The following FBP1 variants were observed in gnomAD, a reference collection of about 807,000 sequenced individuals.
The protein encoded by FBP1 is fructose-bisphosphatase 1, also known as fructose-1,6-bisphosphatase 1.
In FBP1, 22 loss-of-function variants were observed where a neutral mutation model predicts 29.9. That is an observed-to-expected ratio of 0.74 (90% CI 0.53 to 1.05). The LOEUF (loss-of-function observed/expected upper bound fraction) is 1.05. FBP1 is among the 50% of genes least tolerant of loss of function. The pLI is 0.00. For synonymous variants in FBP1, 175 were observed against 178.6 expected, an observed-to-expected ratio of 0.98 and a Z score of 0.16; for missense variants, 345 against 448.2, an observed-to-expected ratio of 0.77 and a Z score of 2.08.
chr9:94,604,980 C>T (rs959079169), intron 6 of FBP1, among the ~76,000 whole-genome samples: 1 of 152,136 alleles, frequency 6.6e-6, no homozygotes, highest in African/African-American at 2.4e-5. Context: ...CTCTAGGTTT[C>T]CCCAGAGATT....
intron 6 of FBP1, among the ~76,000 whole-genome samples, chr9:94,604,488 A>AAAG (rs987758405): frequency 2.7e-5 from 4 of 150,460 alleles, no homozygotes; most frequent in Non-Finnish European, 5.9e-5. Context: ...TCTTGCATTA[A>AAAG]AAAAAAAAAA....
chr9:94,625,093 A>G (rs1407654703), intron 1 of FBP1, among the ~76,000 whole-genome samples: 1 of 149,864 alleles, frequency 6.7e-6, no homozygotes, highest in Non-Finnish European at 1.5e-5. Flanking sequence ...GCATTTTCCG[A>G]GCTTGCAGAC....
chr9:94,619,942 C>G (rs976327700), intron 2 of FBP1, among the ~76,000 whole-genome samples: 1 of 146,260 alleles, frequency 6.8e-6, no homozygotes, highest in African/African-American at 2.6e-5. Context: ...ATGCGTGCAT[C>G]AGGGATGGAA....
At chr9:94,621,983 C>T (rs28369691) in intron 1 of FBP1, among the ~76,000 whole-genome samples, 15,153 of 152,114 alleles carry the variant, frequency 0.1, 905 homozygotes, top group East Asian at 0.21. Flanking sequence ...AGAAGTGAGA[C>T]GCTGCCTATG....
At chr9:94,622,577 C>G (rs1019801016) in intron 1 of FBP1, among the ~76,000 whole-genome samples, 1 of 152,218 alleles carries the variant, frequency 6.6e-6, no homozygotes, top group Non-Finnish European at 1.5e-5. Context: ...GAGCTAGCTC[C>G]GGCTGTCTTC....
chr9:94,613,529 TCGA>T (rs1827815317), intron 3 of FBP1, among the ~76,000 whole-genome samples: 1 of 120,266 alleles, frequency 8.3e-6, no homozygotes, highest in African/African-American at 2.9e-5. Context: ...CTTTGGGAGG[TCGA>T]GGCGGGAGGA....
chr9:94,616,664 C>A (rs1410228017), intron 3 of FBP1, among the ~76,000 whole-genome samples: 2 of 151,944 alleles, frequency 1.3e-5, no homozygotes, highest in African/African-American at 4.8e-5. Context: ...AATCTCCTGA[C>A]CTTGTGATCC....
intron 4 of FBP1, among the ~76,000 whole-genome samples, chr9:94,608,095 C>T (rs1457745423): frequency 1.3e-5 from 2 of 152,154 alleles, no homozygotes; most frequent in Non-Finnish European, 2.9e-5. Context: ...CAGGGCCCAG[C>T]CAGACTGTCC....
chr9:94,640,166 C>T (rs372159164), upstream of FBP1: 2 of 152,230 alleles, frequency 1.3e-5, no homozygotes, highest in African/African-American at 2.4e-5. Context: ...TCCCGGAAAA[C>T]GGTCGCTGAC....
intron 1 of FBP1, among the ~76,000 whole-genome samples, chr9:94,633,698 A>C (rs532268038): frequency 8.6e-5 from 13 of 151,490 alleles, no homozygotes; most frequent in Admixed American, 8.5e-4. Context: ...TGGCACCTCT[A>C]TGAAAGCATC....
At chr9:94,608,232 A>C (rs954291617) in intron 4 of FBP1, among the ~76,000 whole-genome samples, 1 of 152,188 alleles carries the variant, frequency 6.6e-6, no homozygotes, top group Non-Finnish European at 1.5e-5. Context: ...CTGGCTTTGC[A>C]GCAAGCGCAA....
rs201439942 is a variant in FBP1, at chr9:94,636,691, CT to C, written c.170+2449del. ...TAAACAATATCAGACATGACAAGCC[CT>C]TTTTTTTCTTTTTTTGAGACAGAGT... On this transcript the variant is annotated intron_variant, in intron 1 of 6. Coordinates refer to ENST00000375326, the MANE Select transcript of FBP1 (RefSeq NM_000507.4). Among the ~76,000 whole-genome samples, 1,409 of 151,550 alleles carry C rather than the reference CT, an allele frequency of 9.3e-3. 23 individuals are homozygous for C. Among genetic ancestry groups the C allele is most frequent in the African/African-American group, 0.033 (1,351 of 41,290 alleles).
intron 2 of FBP1, among the ~76,000 whole-genome samples, chr9:94,618,455 TAAAAAAAAAAAAAAAAA>T (rs59806476): frequency 1.1e-4 from 8 of 74,602 alleles, no homozygotes; most frequent in Admixed American, 2.1e-4. Context: ...ACTCCTTCTG[TAAAAAAAAAAAAAAAAA>T]AAAAAAAAAA....
intron 3 of FBP1, among the ~76,000 whole-genome samples, chr9:94,613,298 G>T (rs1827812168): frequency 6.6e-6 from 1 of 152,188 alleles, no homozygotes; most frequent in South Asian, 2.1e-4. Flanking sequence ...GGTGTGGTGG[G>T]CATTATTGGG....
chr9:94,604,584 G>A (rs1827668309), intron 6 of FBP1, among the ~76,000 whole-genome samples: 1 of 151,718 alleles, frequency 6.6e-6, no homozygotes, highest in Non-Finnish European at 1.5e-5. Context: ...AGAAGTTCAG[G>A]ACCAGCCTGG....
intron 2 of FBP1, among the ~76,000 whole-genome samples, chr9:94,619,085 C>T (rs1368511160): frequency 1.3e-5 from 2 of 152,144 alleles, no homozygotes; most frequent in Non-Finnish European, 2.9e-5. Flanking sequence ...AGGAAGCTGC[C>T]TATCATGAAG....
intron 4 of FBP1, among the ~76,000 whole-genome samples, chr9:94,609,472 T>C (rs1054910942): frequency 6.6e-6 from 1 of 152,198 alleles, no homozygotes; most frequent in Non-Finnish European, 1.5e-5. Flanking sequence ...AAACATTATG[T>C]TTTTTACAAT....
intron 1 of FBP1, among the ~76,000 whole-genome samples, chr9:94,624,829 T>C (rs2131494715): frequency 6.6e-6 from 1 of 152,256 alleles, no homozygotes; most frequent in African/African-American, 2.4e-5. Context: ...TATGTGCACA[T>C]TTATACAAGT....
Position 94,639,220 on chromosome 9 carries a change from A to T in FBP1, c.91T>A (p.Leu31Met). Residue 31 changes from leucine (L) to methionine (M), a missense_variant, in exon 1 of 7, where the codon TTG becomes ATG. Leu to Met is a conservative substitution (Grantham distance 15, BLOSUM62 2). Coordinates refer to ENST00000375326, the MANE Select transcript of FBP1 (RefSeq NM_000507.4). ...EGRKARGTGELTQLLNSLCTA... is the reference protein window; with the variant it reads ...EGRKARGTGEMTQLLNSLCTA... ...CAGAGCGAGTTGAGCAGCTGGGTCA[A>T]CTCGCCCGTGCCGCGGGCCTTCCTG... 3 of 1,600,214 alleles carry T rather than the reference A, an allele frequency of 1.9e-6. No individual in the cohort carries two copies. Among genetic ancestry groups the T allele is most frequent in the Non-Finnish European group, 2.6e-6 (3 of 1,173,952 alleles).
Sources: gnomAD v4.1 joint callset for allele counts (sites outside exome capture counted in the v4.1 genomes callset) on GRCh38, gnomAD v4.1.1 for gene constraint, MANE v1.5 for transcripts, NCBI Gene and HGNC (gene_info 2026-07-23, HGNC 2026-07-21) for gene names.